The following GPC6 variants were observed in gnomAD, a reference collection of about 807,000 sequenced individuals.
The protein encoded by GPC6 is glypican-6.
Under a neutral mutation model 55.2 loss-of-function variants are expected in GPC6, and 14 were observed. The ratio of observed to expected loss-of-function variants is 0.25; its 90% CI spans 0.17 to 0.40. The LOEUF (loss-of-function observed/expected upper bound fraction) is 0.40. GPC6 is among the 10% of genes least tolerant of loss of function. The pLI is 1.00. For synonymous variants in GPC6, 278 were observed against 259.6 expected, an observed-to-expected ratio of 1.07 and a Z score of -0.68; for missense variants, 641 against 708.5, an observed-to-expected ratio of 0.90 and a Z score of 1.08.
At chr13:93,241,533 A>G (rs1410055398) in intron 1 of GPC6, among the ~76,000 whole-genome samples, 2 of 152,060 alleles carry the variant, frequency 1.3e-5, no homozygotes. Flanking sequence ...TTTAAAATCT[A>G]TCTCCTTGGA....
chr13:93,889,927 G>A (rs1875566154), intron 3 of GPC6, among the ~76,000 whole-genome samples: 2 of 151,842 alleles, frequency 1.3e-5, no homozygotes, highest in Admixed American at 1.3e-4. Context: ...CAGTAATGCA[G>A]TGACATTCAT....
At chr13:94,298,400 T>C (rs937962831) in intron 5 of GPC6, among the ~76,000 whole-genome samples, 2 of 152,234 alleles carry the variant, frequency 1.3e-5, no homozygotes, top group African/African-American at 2.4e-5. Flanking sequence ...TAGACCATCA[T>C]TGGCAGGGAT....
chr13:93,858,914 AAG>A (rs1457777731), intron 3 of GPC6, among the ~76,000 whole-genome samples: 1 of 151,618 alleles, frequency 6.6e-6, no homozygotes, highest in Non-Finnish European at 1.5e-5. Context: ...AATAAAGGGA[AAG>A]AGGATTATTA....
At chr13:93,284,742 G>A (rs969148710) in intron 1 of GPC6, among the ~76,000 whole-genome samples, 32 of 152,128 alleles carry the variant, frequency 2.1e-4, no homozygotes, top group African/African-American at 7.0e-4. Context: ...TGTGTGCCAA[G>A]TGCTGGAGAC....
intron 1 of GPC6, among the ~76,000 whole-genome samples, chr13:93,527,956 A>G (rs1187240782): frequency 2.0e-5 from 3 of 152,144 alleles, no homozygotes; most frequent in South Asian, 2.1e-4. Context: ...GTTTTACTCT[A>G]TGTGATATGA....
chr13:93,877,128 GT>G (rs1874638276), intron 3 of GPC6, among the ~76,000 whole-genome samples: 1 of 151,998 alleles, frequency 6.6e-6, no homozygotes, highest in South Asian at 2.1e-4. Context: ...TATCAGCTAA[GT>G]AAAATGGCTA....
At chr13:93,512,954 C>T (rs1324246024) in intron 1 of GPC6, among the ~76,000 whole-genome samples, 2 of 152,174 alleles carry the variant, frequency 1.3e-5, no homozygotes, top group Non-Finnish European at 2.9e-5. Flanking sequence ...AAAAAGGCTA[C>T]TACAGTGCAA....
intron 2 of GPC6, among the ~76,000 whole-genome samples, chr13:93,596,509 G>A (rs1385733355): frequency 2.6e-5 from 4 of 151,532 alleles, no homozygotes; most frequent in African/African-American, 4.8e-5. Context: ...GTTGATCCTC[G>A]ACAACGTAAT....
intron 3 of GPC6, among the ~76,000 whole-genome samples, chr13:93,921,341 G>C (rs895902720): frequency 7.9e-5 from 12 of 152,196 alleles, no homozygotes; most frequent in Admixed American, 5.2e-4. Context: ...TATCTCTGCT[G>C]TCTGCTGACG....
At chr13:93,975,739 A>G (rs937438711) in intron 3 of GPC6, among the ~76,000 whole-genome samples, 6 of 152,076 alleles carry the variant, frequency 3.9e-5, no homozygotes, top group Non-Finnish European at 8.8e-5. Flanking sequence ...GGAGAGACCC[A>G]TACATTTAGA....
intron 4 of GPC6, among the ~76,000 whole-genome samples, chr13:94,030,245 G>A (rs1233700380): frequency 5.9e-5 from 9 of 152,144 alleles, no homozygotes; most frequent in African/African-American, 2.2e-4. Context: ...TCCTGACCTC[G>A]TGATCTGCCC....
intron 2 of GPC6, among the ~76,000 whole-genome samples, chr13:93,783,945 A>T (rs1885740805): frequency 6.6e-6 from 1 of 152,186 alleles, no homozygotes; most frequent in Non-Finnish European, 1.5e-5. Flanking sequence ...AATACCAAAA[A>T]ATAAAAGGTA....
At chr13:93,509,360 G>A (rs1229549553) in intron 1 of GPC6, among the ~76,000 whole-genome samples, 1 of 152,148 alleles carries the variant, frequency 6.6e-6, no homozygotes, top group Non-Finnish European at 1.5e-5. Context: ...TAGTATGAAA[G>A]AATTGGGCTG....
chr13:93,297,679 C>T (rs1367795301), intron 1 of GPC6, among the ~76,000 whole-genome samples: 1 of 151,958 alleles, frequency 6.6e-6, no homozygotes, highest in Non-Finnish European at 1.5e-5. Flanking sequence ...CCCCCCTTCA[C>T]CTCAGCTAAA....
chr13:93,594,091 T>C (rs971277033), intron 2 of GPC6, among the ~76,000 whole-genome samples: 1 of 152,134 alleles, frequency 6.6e-6, no homozygotes, highest in Non-Finnish European at 1.5e-5. Flanking sequence ...TGTTTACCTA[T>C]TGGAGAGGAT....
chr13:94,315,083 A>G (rs1037351098), intron 6 of GPC6, among the ~76,000 whole-genome samples: 18 of 152,230 alleles, frequency 1.2e-4, no homozygotes, highest in African/African-American at 3.6e-4. Context: ...CTCTGACTTC[A>G]TGGGTATTTT....
At chr13:94,015,450 T>G (rs556565333) in intron 3 of GPC6, among the ~76,000 whole-genome samples, 1 of 152,326 alleles carries the variant, frequency 6.6e-6, no homozygotes, top group South Asian at 2.1e-4. Context: ...TTTACAAATA[T>G]TTTCTCCCAT....
intron 8 of GPC6, among the ~76,000 whole-genome samples, chr13:94,400,914 G>A (rs754504642): frequency 3.9e-5 from 6 of 152,188 alleles, no homozygotes; most frequent in Admixed American, 1.3e-4. Flanking sequence ...TGAGGAAACG[G>A]AGCCTCAGTA....
intron 2 of GPC6, among the ~76,000 whole-genome samples, chr13:93,713,752 T>G (rs1305479704): frequency 2.6e-5 from 4 of 151,856 alleles, no homozygotes; most frequent in Middle Eastern, 3.4e-3. Context: ...AATGTAAACT[T>G]CATGTAACTA....
Sources: gnomAD v4.1 joint callset for allele counts (sites outside exome capture counted in the v4.1 genomes callset) on GRCh38, gnomAD v4.1.1 for gene constraint, MANE v1.5 for transcripts, NCBI Gene and HGNC (gene_info 2026-07-23, HGNC 2026-07-21) for gene names.